MON2: variants seen among roughly 807,000 people sequenced by gnomAD.
The protein encoded by MON2 is MON2 regulator of endosome-to-Golgi trafficking.
Under a neutral mutation model 208.6 loss-of-function variants are expected in MON2, and 84 were observed. The ratio of observed to expected loss-of-function variants is 0.40; its 90% CI spans 0.34 to 0.48. The LOEUF (loss-of-function observed/expected upper bound fraction) is 0.48, where lower values mean the gene tolerates loss of function less well. Among genes scored for constraint, MON2 ranks in the 20% least tolerant of loss-of-function variants. The probability of loss-of-function intolerance (pLI) is 0.59; values close to 1 mark genes in which losing one functional copy is unlikely to be tolerated. For missense variants in MON2, 1,611 were observed against 2,015.4 expected (o/e 0.80, Z 3.84); for synonymous variants, 660 against 694.0 (o/e 0.95, Z 0.77).
intron 11 of MON2, among the ~76,000 whole-genome samples, chr12:62,530,078 A>T (rs192417701): frequency 1.3e-5 from 2 of 152,020 alleles, no homozygotes; most frequent in Non-Finnish European, 2.9e-5. Flanking sequence ...TTAGATGCTA[A>T]ATTTTATTCC....
At chr12:62,501,524 A>G in intron 6 of MON2, 49 bp from the exon 7 acceptor site, 1 of 1,594,764 alleles carries the variant, frequency 6.3e-7, no homozygotes, top group Non-Finnish European at 8.6e-7. Context: ...CGAGTTTGGA[A>G]AAGCACATTT....
chr12:62,556,298 GGT>G (rs2136323557), intron 25 of MON2, 106 bp downstream of exon 25: 6 of 1,079,294 alleles, frequency 5.6e-6, no homozygotes, highest in South Asian at 1.5e-5. Flanking sequence ...CTTTATGTGT[GGT>G]GTGTGTGTAA....
intron 1 of MON2, among the ~76,000 whole-genome samples, chr12:62,472,832 T>C (rs979172209): frequency 3.9e-5 from 6 of 152,216 alleles, no homozygotes; most frequent in African/African-American, 1.4e-4. Flanking sequence ...CCTCTTGACA[T>C]TGTGTTCTTT....
rs1299025344 is a variant in MON2 at position 62,560,999 on chromosome 12, T to C, written c.3918T>C (p.Ala1306=). ...AGTTGGGAGTCATATTGCACAGTGC[T>C]ATTTCAGTCCCAATAAGTTCAGATG... ...LQKLGVILHS[A]ISVPISSDAS... is the part of the protein sequence containing the mutation. The change falls in exon 26 of 35, where the codon GCT becomes GCC. Residue 1306 remains alanine (A), a synonymous_variant. Transcript: ENST00000393630. 6.2e-7 allele frequency: 1 copy of C among 1,613,876 alleles called. No homozygotes were observed. The highest frequency in any genetic ancestry group is 8.5e-7 in the Non-Finnish European group (1 of 1,179,862).
At chr12:62,545,629 G>C (rs2073449787) in intron 21 of MON2, 1 of 151,986 alleles carries the variant, frequency 6.6e-6, no homozygotes. Flanking sequence ...TTGCCCGGGG[G>C]CTGTGCTCAT....
chr12:62,520,145 G>A (rs542680247), intron 8 of MON2, among the ~76,000 whole-genome samples: 1 of 152,148 alleles, frequency 6.6e-6, no homozygotes. Context: ...GATCTGAAAC[G>A]TTTTTATACT....
intron 1 of MON2, among the ~76,000 whole-genome samples, chr12:62,467,865 C>T (rs2068592380): frequency 1.3e-5 from 2 of 152,024 alleles, no homozygotes; most frequent in South Asian, 4.1e-4. Context: ...TTGTTATGAG[C>T]AGTACTGTAG....
rs548149241 is a variant in MON2 at position 62,586,873 on chromosome 12, A to C, written c.4908-1201A>C. Among the ~76,000 whole-genome samples, 5 of 152,240 alleles carry C rather than the reference A, an allele frequency of 3.3e-5. No homozygotes were observed. The East Asian group carries it at 9.6e-4, about 29-fold the overall frequency. On this transcript the variant is annotated intron_variant, in intron 33 of 34. Transcript: ENST00000393630. ...CTTTACTTTTTAACTACTACCTTTA[A>C]ATTGAGCCTTATTTATAATTGTCCT...
intron 1 of MON2, among the ~76,000 whole-genome samples, chr12:62,474,161 C>T (rs1018929780): frequency 1.3e-5 from 2 of 151,272 alleles, no homozygotes; most frequent in African/African-American, 2.4e-5. Flanking sequence ...TCTTGTCCCC[C>T]AGGCTTAAGT....
At chr12:62,477,035 G>A (rs1046042486) in intron 1 of MON2, among the ~76,000 whole-genome samples, 1 of 151,934 alleles carries the variant, frequency 6.6e-6, no homozygotes, top group East Asian at 1.9e-4. Flanking sequence ...CTATAGTCCC[G>A]GCCATTTGGG....
At chr12:62,575,607 T>A (rs1002125834) in intron 30 of MON2, among the ~76,000 whole-genome samples, 8 of 152,240 alleles carry the variant, frequency 5.3e-5, no homozygotes, top group African/African-American at 1.9e-4. Context: ...TCTAAGACTT[T>A]AAGAATAAAC....
intron 20 of MON2, 161 bp from the exon 21 acceptor site, chr12:62,544,737 C>A: frequency 6.6e-7 from 1 of 1,521,102 alleles, no homozygotes; most frequent in Non-Finnish European, 8.8e-7. Context: ...TCTTCTGTCT[C>A]TCTATTGCTT....
At chr12:62,548,824 T>TA (rs1233035344) in intron 22 of MON2, among the ~76,000 whole-genome samples, 1 of 152,194 alleles carries the variant, frequency 6.6e-6, no homozygotes, top group Admixed American at 6.5e-5. Context: ...TCTCCAAAAC[T>TA]AAATACTTCT....
At chr12:62,470,155 C>T (rs1191860959) in intron 1 of MON2, among the ~76,000 whole-genome samples, 3 of 152,192 alleles carry the variant, frequency 2.0e-5, no homozygotes, top group Non-Finnish European at 2.9e-5. Context: ...AATCTGTCCA[C>T]CTCCTACTCC....
intron 1 of MON2, among the ~76,000 whole-genome samples, chr12:62,477,299 T>C (rs1046517285): frequency 2.6e-5 from 4 of 152,226 alleles, no homozygotes; most frequent in Non-Finnish European, 5.9e-5. Context: ...GGACATTTGT[T>C]AATTCCTTTG....
intron 1 of MON2, among the ~76,000 whole-genome samples, chr12:62,481,091 A>G (rs1219943180): frequency 6.6e-6 from 1 of 152,230 alleles, no homozygotes; most frequent in Non-Finnish European, 1.5e-5. Context: ...TACATCTTCA[A>G]GGTATATCGA....
chr12:62,518,777 A>G (rs1316542754), intron 8 of MON2, among the ~76,000 whole-genome samples: 1 of 152,154 alleles, frequency 6.6e-6, no homozygotes, highest in East Asian at 1.9e-4. Flanking sequence ...ATTGGTTCCT[A>G]ATAAGGAACT....
intron 1 of MON2, chr12:62,470,594 C>A: frequency 3.2e-6 from 1 of 308,746 alleles, no homozygotes; most frequent in Non-Finnish European, 4.8e-6. Flanking sequence ...CTTCCATGAT[C>A]ACTTCTATGT....
intron 32 of MON2, among the ~76,000 whole-genome samples, chr12:62,582,509 CTCTTTTTGTTT>C (rs960033487): frequency 2.6e-4 from 39 of 152,260 alleles, no homozygotes; most frequent in African/African-American, 8.9e-4. Context: ...TGTAATTTGG[CTCTTTTTGTTT>C]TCTTTTTGTT....
Sources: allele counts gnomAD v4.1 joint callset (sites outside exome capture counted in the v4.1 genomes callset), GRCh38; gene constraint gnomAD v4.1.1; transcripts MANE v1.5; gene names NCBI Gene and HGNC (gene_info 2026-07-23, HGNC 2026-07-21).